The following CACNA1A variants were observed in gnomAD, a reference collection of about 807,000 sequenced individuals.
CACNA1A encodes voltage-dependent P/Q-type calcium channel subunit alpha-1A.
A neutral mutation model predicts 262.4 loss-of-function variants in CACNA1A; 57 were observed. The observed-to-expected ratio is 0.22, with a 90% CI of 0.18 to 0.27. The LOEUF is 0.27. Ranked by LOEUF, CACNA1A falls within the 10% of genes least tolerant of loss-of-function variation. The pLI, the probability that CACNA1A is intolerant of heterozygous loss-of-function variation, is 1.00. For synonymous variants in CACNA1A, 1,431 were observed against 1,419.3 expected, an observed-to-expected ratio of 1.01 and a Z score of -0.18; for missense variants, 2,526 against 3,562.8, an observed-to-expected ratio of 0.71 and a Z score of 7.41.
intron 1 of CACNA1A, among the ~76,000 whole-genome samples, chr19:13,466,499 C>T (rs577238645): frequency 1.3e-5 from 2 of 152,088 alleles, no homozygotes; most frequent in South Asian, 4.2e-4. Context: ...CACCACCATA[C>T]CTGGCTAATT....
chr19:13,286,487 G>A lies in CACNA1A; in HGVS notation c.3553+16C>T, dbSNP rs747280302. Reference sequence around the variant, plus strand: ...CCAGGTCCCCTGCCCAGTGATGTGAGAGCAGAGGGTCTCACCTTGTACGAC... The same window carrying A: ...CCAGGTCCCCTGCCCAGTGATGTGAAAGCAGAGGGTCTCACCTTGTACGAC... On this transcript the variant is annotated intron_variant, in intron 20 of 46. Transcript: ENST00000360228. The A allele has an allele frequency of 2.3e-6, 3 of 1,287,528 alleles. No homozygotes were observed. The highest frequency in any genetic ancestry group is 2.4e-5 in the Admixed American group (1 of 41,768). 79.8% of individuals were successfully genotyped at this position (1,287,528 alleles called of 1,614,324 possible). A position where few individuals can be genotyped will look rare whatever the true frequency, so the allele number is the denominator to read the frequency against.
intron 38 of CACNA1A, among the ~76,000 whole-genome samples, chr19:13,216,666 TCTATCTA>T: frequency 1.7e-4 from 1 of 5,724 alleles, no homozygotes; most frequent in Non-Finnish European, 3.0e-4. Flanking sequence ...TATCTATCTA[TCTATCTA>T]TCTATCTATC....
intron 1 of CACNA1A, among the ~76,000 whole-genome samples, chr19:13,461,176 C>A (rs1415451547): frequency 6.6e-6 from 1 of 151,972 alleles, no homozygotes; most frequent in Non-Finnish European, 1.5e-5. Context: ...CCCGTCTCTA[C>A]TAAAAATACA....
chr19:13,332,386 C>G (rs10413204), intron 9 of CACNA1A, among the ~76,000 whole-genome samples: 1 of 151,194 alleles, frequency 6.6e-6, no homozygotes, highest in Non-Finnish European at 1.5e-5. Flanking sequence ...GGTGACAGAG[C>G]GAGACTCTGT....
intron 1 of CACNA1A, among the ~76,000 whole-genome samples, chr19:13,476,877 G>A (rs1978609316): frequency 6.6e-6 from 1 of 151,980 alleles, no homozygotes. Context: ...TGCCCTGCCT[G>A]CCCCCAACCT....
At chr19:13,503,544 C>A (rs1212330391) in intron 1 of CACNA1A, among the ~76,000 whole-genome samples, 2 of 151,818 alleles carry the variant, frequency 1.3e-5, no homozygotes, top group African/African-American at 4.8e-5. Context: ...TGACATTCCA[C>A]GTGTCTTTCT....
At chr19:13,403,934 G>A (rs540263560) in intron 3 of CACNA1A, among the ~76,000 whole-genome samples, 1 of 152,046 alleles carries the variant, frequency 6.6e-6, no homozygotes, top group East Asian at 1.9e-4. Flanking sequence ...TCCAGCCTGG[G>A]TGACAGAGCA....
chr19:13,295,042 C>T (rs1048995803), intron 19 of CACNA1A, among the ~76,000 whole-genome samples: 1 of 152,202 alleles, frequency 6.6e-6, no homozygotes, highest in African/African-American at 2.4e-5. Flanking sequence ...TCTCAGATTG[C>T]TCCTCTGGAA....
intron 1 of CACNA1A, among the ~76,000 whole-genome samples, chr19:13,495,820 C>G (rs1416365614): frequency 6.6e-6 from 1 of 152,018 alleles, no homozygotes; most frequent in African/African-American, 2.4e-5. Flanking sequence ...ACCCCTCAAT[C>G]CAGTCTAGTC....
At chr19:13,284,137 TC>T (rs1242564458) in intron 21 of CACNA1A, 6 of 152,274 alleles carry the variant, frequency 3.9e-5, no homozygotes, top group African/African-American at 1.4e-4. Context: ...ACTCCAGCTC[TC>T]CCACTGGCTT....
At chr19:13,499,298 T>C (rs5021327) in intron 1 of CACNA1A, among the ~76,000 whole-genome samples, 114,015 of 151,854 alleles carry the variant, frequency 0.75, 43,744 homozygotes, top group African/African-American at 0.89. Flanking sequence ...TACCTTAGAC[T>C]CAAGGGAATA....
intron 1 of CACNA1A, among the ~76,000 whole-genome samples, chr19:13,497,584 T>A: frequency 8.2e-5 from 6 of 73,364 alleles, no homozygotes; most frequent in Admixed American, 2.0e-4. Flanking sequence ...ATATATAAAT[T>A]TATGTTGTTA....
At chr19:13,260,301 C>CATATATATATATACATATAT (rs1451560416) in intron 26 of CACNA1A, 14 of 125,238 alleles carry the variant, frequency 1.1e-4, no homozygotes, top group Admixed American at 1.0e-3. Flanking sequence ...TGTGCGTGTA[C>CATATATATATATACATATAT]ATATATATAT....
intron 37 of CACNA1A, chr19:13,225,983 C>A (rs570903614): frequency 6.6e-6 from 1 of 152,078 alleles, no homozygotes; most frequent in Non-Finnish European, 1.5e-5. Context: ...TGAGCCACCA[C>A]GCCCAGCCCC....
intron 3 of CACNA1A, among the ~76,000 whole-genome samples, chr19:13,380,141 G>A (rs1024786093): frequency 2.3e-5 from 3 of 130,788 alleles, no homozygotes; most frequent in African/African-American, 8.8e-5. Flanking sequence ...AAAATTAGCT[G>A]GGCGTGGTGG....
At chr19:13,261,729 T>TA in intron 25 of CACNA1A, 119 bp from the exon 26 acceptor site, 1 of 997,280 alleles carries the variant, frequency 1.0e-6, no homozygotes, top group African/African-American at 1.6e-5. Flanking sequence ...GGCAAGGTCA[T>TA]AAGTCAAGTC....
At chr19:13,441,604 C>T (rs1470986435) in intron 3 of CACNA1A, among the ~76,000 whole-genome samples, 1 of 148,466 alleles carries the variant, frequency 6.7e-6, no homozygotes, top group Non-Finnish European at 1.5e-5. Flanking sequence ...GCGGAGGCTG[C>T]AGTGAGCCAA....
At chr19:13,363,602 G>A (rs1184549296) in intron 5 of CACNA1A, 2 of 152,088 alleles carry the variant, frequency 1.3e-5, no homozygotes, top group African/African-American at 4.8e-5. Context: ...AGTGGGGAGG[G>A]AGGGCTCAGG....
intron 1 of CACNA1A, among the ~76,000 whole-genome samples, chr19:13,475,540 T>C (rs1340626131): frequency 6.6e-6 from 1 of 152,106 alleles, no homozygotes; most frequent in African/African-American, 2.4e-5. Flanking sequence ...GTGGGGAAAA[T>C]GACACTCTAC....
Sources: allele counts gnomAD v4.1 joint callset (sites outside exome capture counted in the v4.1 genomes callset), GRCh38; gene constraint gnomAD v4.1.1; transcripts MANE v1.5; gene names NCBI Gene and HGNC (gene_info 2026-07-23, HGNC 2026-07-21).